The following TCF20 variants were observed in gnomAD, a reference collection of about 807,000 sequenced individuals.
TCF20 encodes the protein transcription factor 20.
In TCF20, 3 loss-of-function variants were observed where a neutral mutation model predicts 148.6. That is an observed-to-expected ratio of 0.02 (90% CI 0.01 to 0.05). TCF20 has a LOEUF of 0.05. Among genes scored for constraint, TCF20 ranks in the 10% least tolerant of loss-of-function variants. The pLI, the probability that TCF20 is intolerant of heterozygous loss-of-function variation, is 1.00. For missense variants in TCF20, 2,350 were observed against 2,429.3 expected, an observed-to-expected ratio of 0.97 and a Z score of 0.69; for synonymous variants, 1,049 against 909.5, an observed-to-expected ratio of 1.15 and a Z score of -2.76.
intron 1 of TCF20, among the ~76,000 whole-genome samples, chr22:42,233,481 G>C (rs371199975): frequency 6.6e-6 from 1 of 152,222 alleles, no homozygotes; most frequent in Non-Finnish European, 1.5e-5. Flanking sequence ...CCTTCTGCGT[G>C]AATAATACCA....
Position 42,215,315 on chromosome 22 carries a change from C to A in TCF20, c.-10G>T. ...CCCGAAAGGACTGCATACTGTTCAG[C>A]AGCACAGCAGCAGGCCAACAGCCCT... is the stretch of plus-strand genomic sequence containing the variant. On this transcript the variant is annotated 5_prime_UTR_variant, in exon 2 of 6. Coordinates refer to ENST00000677622, the MANE Select transcript of TCF20 (RefSeq NM_001378418.1). The A allele has an allele frequency of 6.3e-7, 1 of 1,597,624 alleles. No homozygotes were observed. Among genetic ancestry groups the A allele is most frequent in the Non-Finnish European group, 8.6e-7 (1 of 1,169,384 alleles).
upstream of TCF20, among the ~76,000 whole-genome samples, chr22:42,271,928 G>C (rs1428577926): frequency 2.0e-5 from 3 of 151,966 alleles, no homozygotes; most frequent in Non-Finnish European, 4.4e-5. Flanking sequence ...ACCCCACCTA[G>C]CCATTGCCTT....
At chr22:42,242,621 TCA>T (rs1924544825) in intron 1 of TCF20, among the ~76,000 whole-genome samples, 1 of 151,788 alleles carries the variant, frequency 6.6e-6, no homozygotes, top group Non-Finnish European at 1.5e-5. Context: ...GCGAGGTGGC[TCA>T]CACCTATAAT....
Position 42,174,939 on chromosome 22 carries a change from G to A in TCF20, c.5749+4670C>T, listed in dbSNP as rs1466961558. Among the ~76,000 whole-genome samples the A allele has an allele frequency of 3.3e-5, 5 of 151,968 alleles. No homozygotes were observed. The East Asian group carries it at 7.8e-4, about 24-fold the overall frequency. On this transcript the variant is annotated intron_variant, in intron 3 of 5. Coordinates refer to ENST00000677622, the MANE Select transcript of TCF20 (RefSeq NM_001378418.1). ...AGTCCCAGCTGCTGGGGCGGCTGAG[G>A]CAGGAGAATGGCGTGAACCCGGGAG...
intron 1 of TCF20, among the ~76,000 whole-genome samples, chr22:42,262,951 G>C (rs1412774958): frequency 1.3e-5 from 2 of 152,150 alleles, no homozygotes; most frequent in African/African-American, 4.8e-5. Context: ...ACTGGACTAA[G>C]ACCAGTCCAG....
At chr22:42,328,647 G>A (rs1259010380) in intron 1 of TCF20, among the ~76,000 whole-genome samples, 1 of 152,212 alleles carries the variant, frequency 6.6e-6, no homozygotes, top group African/African-American at 2.4e-5. Flanking sequence ...ACCTCTCTGT[G>A]CCTCCGTTTC....
Position 42,214,027 on chromosome 22 carries a change from T to C in TCF20, c.1279A>G (p.Ser427Gly). ...QLSPTPSMMPSPNSHAAGFKG... is the reference protein window; with the variant it reads ...QLSPTPSMMPGPNSHAAGFKG... ...AAGCCTGCAGCATGAGAATTAGGAC[T>C]GGGCATCATTGATGGGGTTGGACTG... The change falls in exon 2 of 6, where the codon AGT becomes GGT. Residue 427 changes from serine to glycine, a missense_variant. This residue lies in a region of TCF20 where 1,641 missense variants were observed against 1,662.6 expected (regional missense o/e 0.99). Coordinates refer to ENST00000677622, the MANE Select transcript of TCF20 (RefSeq NM_001378418.1). The C allele has an allele frequency of 6.2e-7, 1 of 1,614,224 alleles. No homozygotes were observed. The highest frequency in any genetic ancestry group is 1.1e-5 in the South Asian group (1 of 91,092).
intron 1 of TCF20, among the ~76,000 whole-genome samples, chr22:42,294,352 A>G (rs971692067): frequency 1.3e-5 from 2 of 152,246 alleles, no homozygotes; most frequent in African/African-American, 4.8e-5. Context: ...TGACAAAATA[A>G]CTAATGCTAA....
intron 1 of TCF20, among the ~76,000 whole-genome samples, chr22:42,267,921 G>A (rs781639577): frequency 1.3e-5 from 2 of 152,152 alleles, no homozygotes; most frequent in East Asian, 1.9e-4. Flanking sequence ...CAAGGCAGGC[G>A]GATCACCTGA....
chr22:42,174,308 G>A (rs1008388311), intron 3 of TCF20, among the ~76,000 whole-genome samples: 2 of 152,230 alleles, frequency 1.3e-5, no homozygotes, highest in African/African-American at 4.8e-5. Context: ...TGCTGAGCTA[G>A]AGCGTTTCCA....
chr22:42,207,492 A>AT (rs886283766), intron 2 of TCF20, among the ~76,000 whole-genome samples: 2 of 152,158 alleles, frequency 1.3e-5, no homozygotes, highest in African/African-American at 4.8e-5. Flanking sequence ...GCTTCAAGTC[A>AT]TTTTTTAAAA....
chr22:42,244,440 G>A (rs147390973), intron 1 of TCF20, among the ~76,000 whole-genome samples: 169 of 152,248 alleles, frequency 1.1e-3, no homozygotes, highest in African/African-American at 4.0e-3. Flanking sequence ...ATAAAACTGA[G>A]TATGTATTCA....
At chr22:42,283,204 G>C (rs1006674278) in intron 1 of TCF20, among the ~76,000 whole-genome samples, 8 of 152,178 alleles carry the variant, frequency 5.3e-5, no homozygotes, top group Non-Finnish European at 1.2e-4. Flanking sequence ...CGCCCAACTC[G>C]CAGCAGACCA....
intron 1 of TCF20, among the ~76,000 whole-genome samples, chr22:42,333,875 C>T (rs1218560460): frequency 6.6e-6 from 1 of 152,230 alleles, no homozygotes; most frequent in Non-Finnish European, 1.5e-5. Flanking sequence ...ATGGCTCCTC[C>T]AGGTGCCACT....
chr22:42,252,376 G>A (rs1423216895), intron 1 of TCF20, among the ~76,000 whole-genome samples: 1 of 152,030 alleles, frequency 6.6e-6, no homozygotes, highest in Non-Finnish European at 1.5e-5. Context: ...GTCTTTGGGA[G>A]AGCTAACACC....
chr22:42,266,940 G>A (rs1012102316), intron 1 of TCF20, among the ~76,000 whole-genome samples: 2 of 152,102 alleles, frequency 1.3e-5, no homozygotes, highest in African/African-American at 2.4e-5. Flanking sequence ...AGTTTTATAA[G>A]ACAAGTGTAA....
rs533485158 is a variant in TCF20, at chr22:42,181,355, T to C, written c.5656-1653A>G. On this transcript the variant is annotated intron_variant, in intron 2 of 5. Transcript: ENST00000677622. ...TATGCCACCACGCCAGGCTAATTTT[T>C]GTATTTTTAGTAGAGATGGGGTTTT... 2.2e-4 allele frequency among the ~76,000 whole-genome samples: 34 copies of C among 152,010 alleles called. No individual in the cohort carries two copies. In the South Asian group the frequency reaches 6.9e-3, roughly 31 times the overall value.
At position 42,209,668 on chromosome 22, in the gene TCF20, C is replaced by T. The variant is rs1920924970; in HGVS notation, c.5638G>A (p.Glu1880Lys). 1.2e-6 allele frequency: 2 copies of T among 1,608,704 alleles called. No homozygotes were observed. Among genetic ancestry groups the T allele is most frequent in the Admixed American group, 3.4e-5 (2 of 58,928 alleles). ...GRLYGLQEAL[E>K]IAREMKCSHC... ...ATACTCACCATCTCTCTGGCTATTT[C>T]CAGCGCTTCCTGCAGGCCATAGAGC... Residue 1880 changes from glutamate (E) to lysine (K), a missense_variant, in exon 2 of 6, where the codon GAA becomes AAA. Physicochemically the swap from Glu to Lys is moderately conservative, Grantham distance 56. Transcript: ENST00000677622.
At chr22:42,224,191 GC>G (rs1922634789) in intron 1 of TCF20, among the ~76,000 whole-genome samples, 1 of 152,094 alleles carries the variant, frequency 6.6e-6, no homozygotes, top group South Asian at 2.1e-4. Context: ...ACATTTCCTG[GC>G]CAGGCGCAGT....
Sources: allele counts gnomAD v4.1 joint callset (sites outside exome capture counted in the v4.1 genomes callset), GRCh38; gene constraint gnomAD v4.1.1; regional missense constraint gnomAD v4.1.1; transcripts MANE v1.5; gene names NCBI Gene and HGNC (gene_info 2026-07-23, HGNC 2026-07-21).